The following BICD1 variants were observed in gnomAD, a reference collection of about 807,000 sequenced individuals.
BICD1 encodes BICD cargo adaptor 1.
In BICD1, 35 loss-of-function variants were observed where a neutral mutation model predicts 92.5. The ratio of observed to expected loss-of-function variants is 0.38; its 90% CI spans 0.29 to 0.50. BICD1 has a LOEUF of 0.50. BICD1 is among the 20% of genes least tolerant of loss of function. BICD1 has a pLI of 0.93. For synonymous variants in BICD1, 429 were observed against 465.1 expected, an observed-to-expected ratio of 0.92 and a Z score of 1.00; for missense variants, 950 against 1,189.8, an observed-to-expected ratio of 0.80 and a Z score of 2.97.
rs111667488 is a variant in BICD1, at chr12:32,342,664, A to G, written c.2764+3685A>G. 9.4e-3 allele frequency among the ~76,000 whole-genome samples: 1,433 copies of G among 152,338 alleles called. 19 individuals carry two copies. Among genetic ancestry groups the G allele is most frequent in the Non-Finnish European group, 0.012 (813 of 68,024 alleles). On this transcript the variant is annotated intron_variant, in intron 8 of 9. Transcript: ENST00000652176. Reference sequence around the variant, plus strand: ...GAAACAATTACCTCAACTAAAAATGAAATCAGTTTAATTTGTTTTTAATCC... The same window carrying G: ...GAAACAATTACCTCAACTAAAAATGGAATCAGTTTAATTTGTTTTTAATCC...
intron 2 of BICD1, among the ~76,000 whole-genome samples, chr12:32,289,577 G>T (rs1947670621): frequency 6.6e-6 from 1 of 152,124 alleles, no homozygotes; most frequent in South Asian, 2.1e-4. Context: ...GTAGAGACAG[G>T]GTTTCACCAT....
At chr12:32,252,140 T>C (rs60505548) in intron 2 of BICD1, among the ~76,000 whole-genome samples, 2 of 117,058 alleles carry the variant, frequency 1.7e-5, no homozygotes, top group African/African-American at 3.8e-5. Context: ...AAATATTATA[T>C]ATTATATATT....
At chr12:32,177,129 A>G (rs914031608) in intron 1 of BICD1, among the ~76,000 whole-genome samples, 1 of 151,936 alleles carries the variant, frequency 6.6e-6, no homozygotes, top group Non-Finnish European at 1.5e-5. Flanking sequence ...AGCCTGGCCA[A>G]CATGGTGAAA....
chr12:32,366,933 G>A (rs933025263), intron 8 of BICD1, among the ~76,000 whole-genome samples: 3 of 152,054 alleles, frequency 2.0e-5, no homozygotes, highest in African/African-American at 7.2e-5. Flanking sequence ...GATTAACCCA[G>A]CTAAAGCTTG....
chr12:32,160,524 A>G (rs1455950313), intron 1 of BICD1, among the ~76,000 whole-genome samples: 3 of 152,090 alleles, frequency 2.0e-5, no homozygotes, highest in Non-Finnish European at 2.9e-5. Flanking sequence ...TGGAGCCTCA[A>G]TACAGTCTGA....
At position 32,328,395 on chromosome 12, in the gene BICD1, T is replaced by C; in HGVS notation, c.1940T>C (p.Leu647Ser). 2.5e-6 allele frequency: 4 copies of C among 1,614,222 alleles called. No individual in the cohort carries two copies. Among genetic ancestry groups the C allele is most frequent in the Non-Finnish European group, 3.4e-6 (4 of 1,180,038 alleles). Residue 647 changes from leucine to serine, a missense_variant, in exon 5 of 10, where the codon TTG becomes TCG. Leu to Ser is a moderately radical substitution (Grantham distance 145). This residue lies in a region of BICD1 where 309 missense variants were observed against 499.4 expected (regional missense o/e 0.62). Coordinates refer to ENST00000652176, the MANE Select transcript of BICD1 (RefSeq NM_001714.4). This position sits in a 1 kb window ranked among gnomAD's most constrained non-coding sequence, Gnocchi z 4.4. ...KHLQKAVDRS[L>S]QLSRQRAAAR... ...CTGCAGAAAGCTGTGGACCGGTCCT[T>C]GCAACTGTCTCGTCAAAGAGCAGCG...
Position 32,337,894 on chromosome 12 carries a change from G to A in BICD1, c.2570+78G>A, listed in dbSNP as rs1420249767. ...CTGCAAAAATAAATGTGCTCTTGTT[G>A]TGGAGGATGGAGGAGGGGAAGCAAA... is the stretch of plus-strand genomic sequence containing the variant. On this transcript the variant is annotated intron_variant, in intron 7 of 9. Coordinates refer to ENST00000652176, the MANE Select transcript of BICD1 (RefSeq NM_001714.4). The surrounding 1 kb of genome is among the most constrained non-coding windows in gnomAD (Gnocchi z 4.7). The A allele has an allele frequency of 4.0e-6, 6 of 1,518,232 alleles. No individual in the cohort carries two copies. The highest frequency in any genetic ancestry group is 5.5e-6 in the Non-Finnish European group (6 of 1,098,280). 94.0% of individuals were successfully genotyped at this position (1,518,232 alleles called of 1,614,324 possible). A position where few individuals can be genotyped will look rare whatever the true frequency, so the allele number is the denominator to read the frequency against.
In BICD1 at chr12:32,327,585, C is replaced by A; in HGVS notation, c.1130C>A (p.Ala377Asp). 6.2e-7 allele frequency: 1 copy of A among 1,614,056 alleles called. No individual in the cohort carries two copies. The highest frequency in any genetic ancestry group is 8.5e-7 in the Non-Finnish European group (1 of 1,180,002). ...RVHRLTEHVNAMRGLQSSKEL... is the reference protein window; with the variant it reads ...RVHRLTEHVNDMRGLQSSKEL... ...CACCGGCTCACAGAGCACGTCAATGCCATGAGGGGCCTGCAAAGCAGCAAG... is the reference window on the plus strand; with the variant it reads ...CACCGGCTCACAGAGCACGTCAATGACATGAGGGGCCTGCAAAGCAGCAAG... Residue 377 changes from alanine to aspartate, a missense_variant, in exon 5 of 10, where the codon GCC becomes GAC. Physicochemically the swap from Ala to Asp is moderately radical, Grantham distance 126. Around this residue, in one of 5 missense-constraint regions of BICD1, gnomAD observed 246 missense variants for 258.4 expected, o/e 0.95. Coordinates refer to ENST00000652176, the MANE Select transcript of BICD1 (RefSeq NM_001714.4).
intron 1 of BICD1, among the ~76,000 whole-genome samples, chr12:32,171,338 G>A (rs1031356071): frequency 1.1e-4 from 17 of 152,234 alleles, no homozygotes; most frequent in African/African-American, 4.1e-4. Flanking sequence ...GGCCCCGAAG[G>A]CGATGCTGTG....
chr12:32,355,827 C>T (rs1177715285), intron 8 of BICD1, among the ~76,000 whole-genome samples: 3 of 151,522 alleles, frequency 2.0e-5, no homozygotes, highest in Non-Finnish European at 4.4e-5. Flanking sequence ...AAAGAAATGC[C>T]GAAGGAGATG....
chr12:32,173,278 G>A (rs1039943445), intron 1 of BICD1, among the ~76,000 whole-genome samples: 24 of 152,008 alleles, frequency 1.6e-4, no homozygotes, highest in African/African-American at 4.8e-4. Flanking sequence ...TCAAACTCCC[G>A]AGCTCAGGCA....
intron 2 of BICD1, among the ~76,000 whole-genome samples, chr12:32,222,539 G>A (rs1382514278): frequency 6.6e-6 from 1 of 152,098 alleles, no homozygotes; most frequent in East Asian, 1.9e-4. Flanking sequence ...GCCATTCTTT[G>A]CCATGTCACC....
At chr12:32,340,868 C>G (rs1938339535) in intron 8 of BICD1, 1 of 152,112 alleles carries the variant, frequency 6.6e-6, no homozygotes, top group South Asian at 2.1e-4. Flanking sequence ...CTGGGAATAC[C>G]CTCATGCATT....
chr12:32,143,688 G>T (rs1050004194), intron 1 of BICD1, among the ~76,000 whole-genome samples: 1 of 152,180 alleles, frequency 6.6e-6, no homozygotes, highest in South Asian at 2.1e-4. Context: ...CGTGATCACG[G>T]TGGTGTAGAA....
intron 3 of BICD1, among the ~76,000 whole-genome samples, chr12:32,299,261 T>C (rs1947966841): frequency 6.6e-6 from 1 of 152,226 alleles, no homozygotes; most frequent in Non-Finnish European, 1.5e-5. Context: ...TGCTTTGATG[T>C]TGTCTTTAAA....
chr12:32,111,989 C>T (rs983727815), intron 1 of BICD1, among the ~76,000 whole-genome samples: 1 of 143,800 alleles, frequency 7.0e-6, no homozygotes, highest in African/African-American at 2.6e-5. Context: ...GTTGCTCTAA[C>T]TTGCACTATC....
chr12:32,217,185 T>C (rs11051856), intron 2 of BICD1, among the ~76,000 whole-genome samples: 32,449 of 152,112 alleles, frequency 0.21, 3,848 homozygotes, highest in African/African-American at 0.3. Flanking sequence ...TTGGAAGCTA[T>C]ATTCAATCAT....
intron 1 of BICD1, among the ~76,000 whole-genome samples, chr12:32,146,617 A>C (rs1274397984): frequency 6.6e-6 from 1 of 152,196 alleles, no homozygotes; most frequent in Non-Finnish European, 1.5e-5. Flanking sequence ...GGAAGAAGGA[A>C]AAGAGGTACA....
chr12:32,298,300 G>A (rs1947930380), intron 3 of BICD1, among the ~76,000 whole-genome samples: 1 of 152,094 alleles, frequency 6.6e-6, no homozygotes, highest in African/African-American at 2.4e-5. Context: ...AATGGCTGAT[G>A]CCTGGAATCC....
Sources: gnomAD v4.1 joint callset for allele counts (sites outside exome capture counted in the v4.1 genomes callset) on GRCh38, gnomAD v4.1.1 for gene constraint, gnomAD v4.1.1 regional missense constraint, Gnocchi (gnomAD v3.1) non-coding constraint, MANE v1.5 for transcripts, NCBI Gene and HGNC (gene_info 2026-07-23, HGNC 2026-07-21) for gene names.